LRRC42: variants seen among roughly 807,000 people sequenced by gnomAD.
LRRC42 encodes the protein leucine-rich repeat-containing protein 42.
LRRC42 carries 43 observed loss-of-function variants against 44.3 expected under a neutral mutation model. The ratio of observed to expected loss-of-function variants is 0.97; its 90% CI spans 0.76 to 1.25. The LOEUF is 1.25. Ranked by LOEUF, LRRC42 falls within the 50% of genes most tolerant of loss-of-function variation. The pLI, the probability that LRRC42 is intolerant of heterozygous loss-of-function variation, is 0.00. For missense variants in LRRC42, 540 were observed against 509.1 expected, an observed-to-expected ratio of 1.06 and a Z score of -0.58; for synonymous variants, 207 against 195.2, an observed-to-expected ratio of 1.06 and a Z score of -0.50.
rs116795071 is a variant in LRRC42 at position 53,953,360 on chromosome 1, T to C, written c.473+888T>C. ...TCATTTATCATCAATACTTGTAGAT[T>C]TTTTTTTGTTTTTTTTGAGACAGAG... On this transcript the variant is annotated intron_variant, in intron 3 of 8. Transcript: ENST00000371370. Among the ~76,000 whole-genome samples, 1,406 of 152,212 alleles carry C rather than the reference T, an allele frequency of 9.2e-3. 26 individuals are homozygous for C. The highest frequency in any genetic ancestry group is 0.032 in the African/African-American group (1,348 of 41,524).
At chr1:53,950,921 A>AT (rs1654657478) in intron 2 of LRRC42, among the ~76,000 whole-genome samples, 1 of 152,238 alleles carries the variant, frequency 6.6e-6, no homozygotes, top group Non-Finnish European at 1.5e-5. Context: ...TTATTTGTAG[A>AT]TAAAAAAAAT....
At chr1:53,949,076 G>A (rs1654601931) in intron 2 of LRRC42, among the ~76,000 whole-genome samples, 1 of 152,102 alleles carries the variant, frequency 6.6e-6, no homozygotes, top group South Asian at 2.1e-4. Flanking sequence ...TATTTGGTGG[G>A]TAATCTAAAG....
intron 4 of LRRC42, 30 bp downstream of exon 4, chr1:53,958,310 T>G (rs776144213): frequency 1.2e-6 from 2 of 1,611,686 alleles, no homozygotes; most frequent in East Asian, 4.5e-5. Flanking sequence ...TGCAGATGAA[T>G]TGTTTCAGTA....
Position 53,962,335 on chromosome 1 carries a change from G to C in LRRC42, c.853G>C (p.Gly285Arg). The C allele has an allele frequency of 6.2e-7, 1 of 1,614,112 alleles. No individual in the cohort carries two copies. The highest frequency in any genetic ancestry group is 8.5e-7 in the Non-Finnish European group (1 of 1,179,982). The change falls in exon 7 of 9, where the codon GGC becomes CGC. Residue 285 changes from glycine to arginine, a missense_variant. Gly to Arg is a moderately radical substitution (Grantham distance 125, BLOSUM62 -2). Transcript: ENST00000371370. Reference protein sequence around the residue: ...TVKHKLQTHIGLVHSKVPLKE... With the variant: ...TVKHKLQTHIRLVHSKVPLKE... Reference sequence around the variant, plus strand: ...CAAGCACAAGCTCCAGACCCACATAGGCCTTGTTCACTCCAAAGTGCCTTT... The same window carrying C: ...CAAGCACAAGCTCCAGACCCACATACGCCTTGTTCACTCCAAAGTGCCTTT...
At position 53,962,110 on chromosome 1, in the gene LRRC42, G is replaced by A. The variant is rs764392817; in HGVS notation, c.801G>A (p.Gly267=). The change falls in exon 6 of 9, where the codon GGG becomes GGA. Residue 267 remains glycine (G), a synonymous_variant. Coordinates refer to ENST00000371370, the MANE Select transcript of LRRC42 (RefSeq NM_001256409.2). ...FRKLNCLDIS[G]TGLKDIKTVK... ...AACTAAACTGCTTAGATATCTCTGG[G>A]ACAGGGCTCAAGGTAAGACTTTTGG... 108 of 1,613,224 alleles carry A rather than the reference G, an allele frequency of 6.7e-5. No individual in the cohort carries two copies. Among genetic ancestry groups the A allele is most frequent in the Non-Finnish European group, 8.7e-5 (103 of 1,179,390 alleles).
rs1655129753 is a variant in LRRC42, at chr1:53,966,377, T to C, written c.1009T>C (p.Phe337Leu). The change falls in exon 8 of 9, where the codon TTC becomes CTC. Residue 337 changes from phenylalanine (F) to leucine (L), a missense_variant. Transcript: ENST00000371370. ...GGAGCCTAGAGCAGCAGCTCAGCGC[T>C]TCTGTGAGAAATTCCCTTTCCTTTG... ...TSEPRAAAQR[F>L]YGKRSRAEAP... 2.5e-6 allele frequency: 4 copies of C among 1,612,458 alleles called. No individual in the cohort carries two copies. The highest frequency in any genetic ancestry group is 2.5e-6 in the Non-Finnish European group (3 of 1,178,652).
chr1:53,955,484 GAT>G (rs1454682589), intron 3 of LRRC42, among the ~76,000 whole-genome samples: 2 of 151,690 alleles, frequency 1.3e-5, no homozygotes, highest in African/African-American at 2.4e-5. Flanking sequence ...TTTTGGTAGA[GAT>G]AGGGTTTCAC....
rs548973221 is a variant in LRRC42, at chr1:53,952,791, G to A, written c.473+319G>A. On this transcript the variant is annotated intron_variant, in intron 3 of 8. Coordinates refer to ENST00000371370, the MANE Select transcript of LRRC42 (RefSeq NM_001256409.2). ...TGATCTGCCAAATATCTCTTGATACGCTCTTACAGATGGGGAGATTAGTAC... is the reference window on the plus strand; with the variant it reads ...TGATCTGCCAAATATCTCTTGATACACTCTTACAGATGGGGAGATTAGTAC... 3.0e-3 allele frequency among the ~76,000 whole-genome samples: 454 copies of A among 152,202 alleles called. 3 individuals carry two copies. The highest frequency in any genetic ancestry group is 0.011 in the African/African-American group (437 of 41,520).
intron 2 of LRRC42, among the ~76,000 whole-genome samples, chr1:53,950,966 C>A (rs1238092686): frequency 6.6e-6 from 1 of 152,124 alleles, no homozygotes; most frequent in Non-Finnish European, 1.5e-5. Flanking sequence ...GTTTAGCAAA[C>A]GAGTAAATGT....
chr1:53,966,766 A>T (rs1655136822), intron 8 of LRRC42, among the ~76,000 whole-genome samples: 1 of 151,994 alleles, frequency 6.6e-6, no homozygotes, highest in South Asian at 2.1e-4. Flanking sequence ...TTCAGGCTTT[A>T]AAAGTAAGGA....
In LRRC42 at chr1:53,952,195, A is replaced by C; in HGVS notation, c.196A>C (p.Lys66Gln). 6.2e-7 allele frequency: 1 copy of C among 1,614,122 alleles called. No homozygotes were observed. The highest frequency in any genetic ancestry group is 8.5e-7 in the Non-Finnish European group (1 of 1,179,954). Residue 66 changes from lysine (K) to glutamine (Q), a missense_variant, in exon 3 of 9, where the codon AAA becomes CAA. Physicochemically the swap from Lys to Gln is moderately conservative, Grantham distance 53 (BLOSUM62 1). Transcript: ENST00000371370. ...GAACAGGGAAGACGACACTGCACGG[A>C]AAGAGAAGACTGATCATTTCATCTT... ...CMNREDDTARKEKTDHFIFTY... is the reference protein window; with the variant it reads ...CMNREDDTARQEKTDHFIFTY...
chr1:53,953,830 C>T (rs61774854), intron 3 of LRRC42, among the ~76,000 whole-genome samples: 1 of 151,990 alleles, frequency 6.6e-6, no homozygotes, highest in Non-Finnish European at 1.5e-5. Context: ...CTCCCAGGTT[C>T]AGGCAATTCT....
Position 53,958,283 on chromosome 1 carries a change from ACTGAC to A in LRRC42, c.605+7_605+11del. ...CTCACCAATGAAGCCCTGTCTAGGTACTGACCTGTCACCACTTGCAGATGAATTGT... is the reference window on the plus strand; with the variant it reads ...CTCACCAATGAAGCCCTGTCTAGGTACTGTCACCACTTGCAGATGAATTGT... On this transcript the variant is annotated splice_donor_5th_base_variant and intron_variant, in intron 4 of 8. Coordinates refer to ENST00000371370, the MANE Select transcript of LRRC42 (RefSeq NM_001256409.2). 1 of 1,613,030 alleles carries A rather than the reference ACTGAC, an allele frequency of 6.2e-7. No homozygotes were observed. Among genetic ancestry groups the A allele is most frequent in the Non-Finnish European group, 8.5e-7 (1 of 1,179,212 alleles).
rs1264019909 is a variant in LRRC42 at position 53,967,558 on chromosome 1, T to A, written c.1013-107T>A. 337 of 1,067,162 alleles carry A rather than the reference T, an allele frequency of 3.2e-4. 7 individuals are homozygous for A. In the South Asian group the frequency reaches 4.5e-3, roughly 14 times the overall value. 66.1% of individuals were successfully genotyped at this position (1,067,162 alleles called of 1,614,324 possible). On this transcript the variant is annotated intron_variant, in intron 8 of 8. Transcript: ENST00000371370. ...CAAGGCAAAATGCAATCAATGCAGATATCACCCTGTTTGGGCCTTTGTCAT... is the reference window on the plus strand; with the variant it reads ...CAAGGCAAAATGCAATCAATGCAGAAATCACCCTGTTTGGGCCTTTGTCAT...
chr1:53,966,344 G>A lies in LRRC42; in HGVS notation c.976G>A (p.Glu326Lys). 6.2e-7 allele frequency: 1 copy of A among 1,614,040 alleles called. No homozygotes were observed. The highest frequency in any genetic ancestry group is 8.5e-7 in the Non-Finnish European group (1 of 1,179,870). ...RVTAEAVKPRETSEPRAAAQR... is the reference protein window; with the variant it reads ...RVTAEAVKPRKTSEPRAAAQR... The stretch of plus-strand genomic sequence containing the variant: ...GACTGCGGAAGCTGTGAAGCCACGG[G>A]AGACCTCGGAGCCTAGAGCAGCAGC... The change falls in exon 8 of 9, where the codon GAG becomes AAG. Residue 326 changes from glutamate (E) to lysine (K), a missense_variant. Physicochemically the swap from Glu to Lys is moderately conservative, Grantham distance 56. Coordinates refer to ENST00000371370, the MANE Select transcript of LRRC42 (RefSeq NM_001256409.2).
chr1:53,952,083 T>C lies in LRRC42; in HGVS notation c.84T>C (p.Asn28=). Residue 28 remains asparagine (N), a synonymous_variant, in exon 3 of 9, where the codon AAT becomes AAC. Transcript: ENST00000371370. The part of the protein sequence containing the change: ...MRENGQLHMV[N]LALDGVRSSL... The stretch of plus-strand genomic sequence containing the variant: ...AAAATGGGCAGCTGCACATGGTCAA[T>C]CTGGCTCTGGATGGTGTCAGGAGTA... 6.2e-7 allele frequency: 1 copy of C among 1,614,202 alleles called. No homozygotes were observed. Among genetic ancestry groups the C allele is most frequent in the Non-Finnish European group, 8.5e-7 (1 of 1,180,040 alleles).
chr1:53,960,846 C>G (rs1345463348), intron 5 of LRRC42, among the ~76,000 whole-genome samples: 1 of 152,072 alleles, frequency 6.6e-6, no homozygotes, highest in Non-Finnish European at 1.5e-5. Context: ...CAGTGTTTGC[C>G]TGATGAAAAG....
intron 3 of LRRC42, among the ~76,000 whole-genome samples, chr1:53,956,397 C>T (rs1410857772): frequency 1.3e-5 from 2 of 152,206 alleles, no homozygotes; most frequent in Non-Finnish European, 2.9e-5. Flanking sequence ...GCTACTATTT[C>T]ATGAGGTCTT....
intron 7 of LRRC42, among the ~76,000 whole-genome samples, chr1:53,963,955 C>CA (rs1186037269): frequency 8.0e-6 from 1 of 125,126 alleles, no homozygotes; most frequent in Non-Finnish European, 1.7e-5. Flanking sequence ...CCACCCCCCC[C>CA]CCATCTTCAT....
Sources: allele counts gnomAD v4.1 joint callset (sites outside exome capture counted in the v4.1 genomes callset), GRCh38; gene constraint gnomAD v4.1.1; transcripts MANE v1.5; gene names NCBI Gene and HGNC (gene_info 2026-07-23, HGNC 2026-07-21).